The following TCAIM variants were observed in gnomAD, a reference collection of about 807,000 sequenced individuals.
TCAIM encodes the protein T cell activation inhibitor, mitochondrial.
In TCAIM, 36 loss-of-function variants were observed where a neutral mutation model predicts 58.6. That is an observed-to-expected ratio of 0.61 (90% CI 0.47 to 0.81). TCAIM has a LOEUF of 0.81. Among genes scored for constraint, TCAIM ranks in the 30% least tolerant of loss-of-function variants. The pLI is 0.00. For synonymous variants in TCAIM, 172 were observed against 193.6 expected (o/e 0.89, Z 0.93); for missense variants, 466 against 579.6 (o/e 0.80, Z 2.01).
At chr3:44,358,758 A>G in intron 3 of TCAIM, 1 of 985,626 alleles carries the variant, frequency 1.0e-6, no homozygotes, top group African/African-American at 1.7e-5. Flanking sequence ...CTTTGGAATT[A>G]CTTCAGTGTT....
intron 1 of TCAIM, among the ~76,000 whole-genome samples, chr3:44,348,798 A>G (rs1359563118): frequency 6.6e-6 from 1 of 152,210 alleles, no homozygotes; most frequent in Non-Finnish European, 1.5e-5. Context: ...GTTGCTGCTA[A>G]ACGAGCCATG....
chr3:44,403,678 G>A (rs1367940680), intron 10 of TCAIM, among the ~76,000 whole-genome samples: 4 of 152,060 alleles, frequency 2.6e-5, no homozygotes, highest in African/African-American at 7.2e-5. Context: ...ATTCAAATAG[G>A]TCAATTTGTG....
chr3:44,347,649 C>T (rs960791787), intron 1 of TCAIM, among the ~76,000 whole-genome samples: 3 of 152,198 alleles, frequency 2.0e-5, no homozygotes, highest in Non-Finnish European at 4.4e-5. Flanking sequence ...TAAGACTTGT[C>T]CAGTTTTTGG....
At chr3:44,393,054 A>C in intron 6 of TCAIM, 77 bp downstream of exon 6, 1 of 1,298,450 alleles carries the variant, frequency 7.7e-7, no homozygotes, top group Non-Finnish European at 1.1e-6. Context: ...TCAGCAGCTA[A>C]ATATTTGCAT....
chr3:44,383,187 C>G (rs560005366), intron 5 of TCAIM, among the ~76,000 whole-genome samples: 4 of 152,256 alleles, frequency 2.6e-5, no homozygotes, highest in Admixed American at 2.6e-4. Flanking sequence ...GGTGATTCCT[C>G]AAAAACTTAA....
chr3:44,356,616 G>T (rs939407371), intron 2 of TCAIM, among the ~76,000 whole-genome samples: 1 of 151,980 alleles, frequency 6.6e-6, no homozygotes, highest in Non-Finnish European at 1.5e-5. Flanking sequence ...ATTTCATTTG[G>T]ATTTAAACAC....
chr3:44,353,576 A>G (rs1457077094), intron 1 of TCAIM, among the ~76,000 whole-genome samples: 1 of 152,224 alleles, frequency 6.6e-6, no homozygotes, highest in Non-Finnish European at 1.5e-5. Flanking sequence ...CTGTTGCCAC[A>G]CATCCTTATC....
intron 1 of TCAIM, among the ~76,000 whole-genome samples, chr3:44,350,642 G>T (rs1185389634): frequency 6.6e-6 from 1 of 152,006 alleles, no homozygotes; most frequent in Non-Finnish European, 1.5e-5. Context: ...CCCAGAGGCT[G>T]GTCTTGAACT....
At chr3:44,354,954 A>T in intron 2 of TCAIM, 143 bp downstream of exon 2, 1 of 941,932 alleles carries the variant, frequency 1.1e-6, no homozygotes, top group East Asian at 2.5e-5. Context: ...AAGAAAATTT[A>T]TATGAGAAGA....
chr3:44,345,246 T>C (rs912847286), intron 1 of TCAIM, among the ~76,000 whole-genome samples: 2 of 152,052 alleles, frequency 1.3e-5, no homozygotes, highest in South Asian at 4.2e-4. Flanking sequence ...GAGCATTTGT[T>C]GTATAGAATG....
At chr3:44,406,765 A>C (rs1383630782) in intron 10 of TCAIM, among the ~76,000 whole-genome samples, 1 of 152,194 alleles carries the variant, frequency 6.6e-6, no homozygotes, top group Non-Finnish European at 1.5e-5. Flanking sequence ...TGAGTAACTC[A>C]TGTGTTGGTC....
intron 1 of TCAIM, among the ~76,000 whole-genome samples, chr3:44,350,797 T>A (rs1701072062): frequency 6.6e-6 from 1 of 152,228 alleles, no homozygotes; most frequent in African/African-American, 2.4e-5. Context: ...ATGAAAACAT[T>A]TAATATCCTA....
At chr3:44,355,878 T>C (rs115777142) in intron 2 of TCAIM, among the ~76,000 whole-genome samples, 1,738 of 152,306 alleles carry the variant, frequency 0.011, 36 homozygotes, top group African/African-American at 0.04. Flanking sequence ...GAGAGCTAAG[T>C]GTATGTCAGA....
At chr3:44,363,743 T>A (rs1441030874) in intron 4 of TCAIM, among the ~76,000 whole-genome samples, 2 of 152,086 alleles carry the variant, frequency 1.3e-5, no homozygotes, top group Admixed American at 1.3e-4. Context: ...AAAAACAGAA[T>A]CCTTTACTTT....
intron 3 of TCAIM, chr3:44,358,222 T>C: frequency 6.4e-7 from 1 of 1,558,838 alleles, no homozygotes; most frequent in Non-Finnish European, 8.7e-7. Context: ...TTAAGGATGA[T>C]ACATGGAAGA....
intron 10 of TCAIM, among the ~76,000 whole-genome samples, chr3:44,402,033 A>T (rs1310610254): frequency 6.6e-6 from 1 of 152,150 alleles, no homozygotes; most frequent in African/African-American, 2.4e-5. Context: ...AAAAAGAAAA[A>T]AAATAAACGT....
Position 44,407,580 on chromosome 3 carries a change from C to A in TCAIM, c.1389C>A (p.Tyr463Ter). The A allele has an allele frequency of 6.2e-7, 1 of 1,613,990 alleles. No individual in the cohort carries two copies. Among genetic ancestry groups the A allele is most frequent in the South Asian group, 1.1e-5 (1 of 91,062 alleles). The change falls in exon 11 of 11, where the codon TAC becomes TAA. Residue 463 changes from tyrosine to a stop codon, truncating the protein, a stop_gained. Coordinates refer to ENST00000342649, the MANE Select transcript of TCAIM (RefSeq NM_173826.4). LOFTEE classifies it high-confidence loss of function. Reference protein sequence around the residue: ...CKRLLEQSLPYLHGMHLCISH... With the variant: ...CKRLLEQSLP ...GACTTCTAGAACAATCACTGCCTTA[C>A]CTACATGGGATGCACCTCTGCATTT...
chr3:44,383,475 T>C lies in TCAIM; in HGVS notation c.573-9380T>C, dbSNP rs138794836. Reference sequence around the variant, plus strand: ...GACAGATGGTGGATGATTCTACTTATGTGAAGTACAAGGAGTAGTCAAATT... The same window carrying C: ...GACAGATGGTGGATGATTCTACTTACGTGAAGTACAAGGAGTAGTCAAATT... On this transcript the variant is annotated intron_variant, in intron 5 of 10. Coordinates refer to ENST00000342649, the MANE Select transcript of TCAIM (RefSeq NM_173826.4). Among the ~76,000 whole-genome samples, 701 of 152,228 alleles carry C rather than the reference T, an allele frequency of 4.6e-3. 5 individuals carry two copies. Among genetic ancestry groups the C allele is most frequent in the Non-Finnish European group, 8.0e-3 (547 of 68,014 alleles).
At chr3:44,359,283 G>A in intron 3 of TCAIM, 1 of 173,026 alleles carries the variant, frequency 5.8e-6, no homozygotes, top group Non-Finnish European at 1.1e-5. Context: ...AGCTTGGGTT[G>A]CTTAAACCTT....
Sources: gnomAD v4.1 joint callset for allele counts (sites outside exome capture counted in the v4.1 genomes callset) on GRCh38, gnomAD v4.1.1 for gene constraint, MANE v1.5 for transcripts, NCBI Gene and HGNC (gene_info 2026-07-23, HGNC 2026-07-21) for gene names.